The following ANXA4 variants were observed in gnomAD, a reference collection of about 807,000 sequenced individuals.
ANXA4 encodes 35-beta calcimedin.
Under a neutral mutation model 49.8 loss-of-function variants are expected in ANXA4, and 39 were observed. The ratio of observed to expected loss-of-function variants is 0.78; its 90% confidence interval spans 0.61 to 1.02. The LOEUF (loss-of-function observed/expected upper bound fraction) is 1.02, where lower values mean the gene tolerates loss of function less well. ANXA4 is among the 50% of genes least tolerant of loss of function. The pLI, the probability that ANXA4 is intolerant of heterozygous loss-of-function variation, is 0.00. For synonymous variants in ANXA4, 134 were observed against 152.5 expected (o/e 0.88, Z 0.89); for missense variants, 360 against 410.1 (o/e 0.88, Z 1.05).
At chr2:69,741,951 G>A (rs528674960), upstream of ANXA4, 11 of 152,426 alleles carry the variant, frequency 7.2e-5, no homozygotes, top group East Asian at 2.1e-3. Context: ...GGGGGTCGAG[G>A]CCTGCCTCTC....
At chr2:69,793,457 T>C (rs1323803732) in intron 3 of ANXA4, among the ~76,000 whole-genome samples, 1 of 152,180 alleles carries the variant, frequency 6.6e-6, no homozygotes, top group African/African-American at 2.4e-5. Context: ...ATTTAAGCGC[T>C]TATTTTTCTT....
chr2:69,762,318 G>A (rs1671324791), intron 1 of ANXA4, among the ~76,000 whole-genome samples: 1 of 151,922 alleles, frequency 6.6e-6, no homozygotes, highest in Admixed American at 6.6e-5. Context: ...CCTAAAAGCT[G>A]GAGGCTGCAC....
chr2:69,705,391 A>T (rs1417107174), intron 2 of ANXA4, among the ~76,000 whole-genome samples: 1 of 152,174 alleles, frequency 6.6e-6, no homozygotes, highest in African/African-American at 2.4e-5. Flanking sequence ...GTTAGTCTCT[A>T]CTTTTTCTAC....
intron 2 of ANXA4, among the ~76,000 whole-genome samples, chr2:69,784,672 T>TATTG (rs1286444750): frequency 5.9e-5 from 9 of 152,240 alleles, no homozygotes; most frequent in African/African-American, 1.9e-4. Flanking sequence ...AGTAGAAATG[T>TATTG]ATTGCCTCAC....
chr2:69,790,971 C>G (rs948575824), intron 3 of ANXA4, among the ~76,000 whole-genome samples: 1 of 152,130 alleles, frequency 6.6e-6, no homozygotes, highest in Non-Finnish European at 1.5e-5. Context: ...GACTTCAGTC[C>G]TATACTTGGC....
At chr2:69,787,957 A>T in intron 2 of ANXA4, 97 bp from the exon 3 acceptor site, 1 of 1,041,620 alleles carries the variant, frequency 9.6e-7, no homozygotes, top group Non-Finnish European at 1.5e-6. Flanking sequence ...AATACCATCT[A>T]GGCTATGGTC....
chr2:69,740,343 G>T (rs1168298146), upstream of ANXA4, among the ~76,000 whole-genome samples: 1 of 152,070 alleles, frequency 6.6e-6, no homozygotes. Flanking sequence ...TGGCCTAATT[G>T]TTGCTTGTAA....
intron 3 of ANXA4, among the ~76,000 whole-genome samples, chr2:69,797,246 G>A (rs1450683808): frequency 1.3e-5 from 2 of 152,080 alleles, no homozygotes; most frequent in African/African-American, 4.8e-5. Context: ...TGTGACTCAG[G>A]GAGGAGGGGA....
At chr2:69,800,849 C>T (rs1016497347) in intron 3 of ANXA4, among the ~76,000 whole-genome samples, 5 of 152,164 alleles carry the variant, frequency 3.3e-5, no homozygotes, top group Admixed American at 3.3e-4. Context: ...CGTAGACACA[C>T]AAAGAGTGAG....
intron 3 of ANXA4, chr2:69,803,380 A>AC (rs1268921106): frequency 1.3e-5 from 2 of 151,926 alleles, no homozygotes; most frequent in African/African-American, 2.4e-5. Context: ...ACCCATTCCA[A>AC]CCCCCCATAC....
At chr2:69,781,273 A>AGT (rs1167467274) in intron 1 of ANXA4, 1 of 541,882 alleles carries the variant, frequency 1.8e-6, no homozygotes, top group Non-Finnish European at 3.3e-6. Context: ...TCCTTTCTGT[A>AGT]GTGTGTATCT....
intron 3 of ANXA4, among the ~76,000 whole-genome samples, chr2:69,793,069 T>C (rs112249166): frequency 0.056 from 8,538 of 151,400 alleles, 737 homozygotes; most frequent in Admixed American, 0.21. Flanking sequence ...CTGGCCAACA[T>C]GGTGAAACCC....
intron 2 of ANXA4, among the ~76,000 whole-genome samples, chr2:69,664,258 T>A (rs1676851140): frequency 6.6e-6 from 1 of 152,256 alleles, no homozygotes; most frequent in Non-Finnish European, 1.5e-5. Context: ...AATATTTATC[T>A]TCCATGTACC....
intron 3 of ANXA4, among the ~76,000 whole-genome samples, chr2:69,724,018 G>C (rs1248703999): frequency 6.6e-6 from 1 of 152,228 alleles, no homozygotes; most frequent in African/African-American, 2.4e-5. Flanking sequence ...TCCTCGGTGG[G>C]CTGAGGCTGG....
intron 2 of ANXA4, among the ~76,000 whole-genome samples, chr2:69,684,157 A>G (rs1021390357): frequency 6.6e-6 from 1 of 152,222 alleles, no homozygotes; most frequent in East Asian, 1.9e-4. Context: ...TCTCAAGTCC[A>G]ATTAATTGAA....
At chr2:69,730,998 A>AAGTGCTGGCCCTGAGG (rs371579263) in intron 3 of ANXA4, among the ~76,000 whole-genome samples, 3 of 152,208 alleles carry the variant, frequency 2.0e-5, no homozygotes, top group Non-Finnish European at 4.4e-5. Context: ...GATGGGTTTG[A>AAGTGCTGGCCCTGAGG]AGTGCTGGCC....
At chr2:69,764,898 T>G (rs1671437930) in intron 1 of ANXA4, among the ~76,000 whole-genome samples, 1 of 152,212 alleles carries the variant, frequency 6.6e-6, no homozygotes, top group African/African-American at 2.4e-5. Context: ...CTCTATGAAT[T>G]TGACTACTTT....
chr2:69,686,070 G>A (rs72899494), intron 2 of ANXA4, among the ~76,000 whole-genome samples: 22,152 of 152,106 alleles, frequency 0.15, 2,281 homozygotes, highest in East Asian at 0.37. Context: ...CTAGGAAGTA[G>A]TATTTTAATT....
intron 2 of ANXA4, among the ~76,000 whole-genome samples, chr2:69,716,042 C>T (rs772487586): frequency 6.6e-6 from 1 of 152,206 alleles, no homozygotes; most frequent in Non-Finnish European, 1.5e-5. Flanking sequence ...AGAAAGAAGC[C>T]TCACTCTCTC....
Sources: gnomAD v4.1 joint callset for allele counts (sites outside exome capture counted in the v4.1 genomes callset) on GRCh38, gnomAD v4.1.1 for gene constraint, MANE v1.5 for transcripts, NCBI Gene and HGNC (gene_info 2026-07-23, HGNC 2026-07-21) for gene names.